The following IFT172 variants were observed in gnomAD, a reference collection of about 807,000 sequenced individuals.
IFT172 encodes the protein intraflagellar transport 172, also known as intraflagellar transport protein 172 homolog.
IFT172 carries 164 observed loss-of-function variants against 248.9 expected under a neutral mutation model. That is an observed-to-expected ratio of 0.66 (90% CI 0.58 to 0.75). IFT172 has a LOEUF of 0.75. IFT172 is among the 30% of genes least tolerant of loss of function. The probability of loss-of-function intolerance (pLI) is 0.00; values close to 1 mark genes in which losing one functional copy is unlikely to be tolerated. For missense variants in IFT172, 1,950 were observed against 2,192.4 expected (o/e 0.89, Z 2.21); for synonymous variants, 729 against 791.6 (o/e 0.92, Z 1.33).
chr2:27,469,809 G>A (rs1320695700), intron 16 of IFT172, among the ~76,000 whole-genome samples: 2 of 152,292 alleles, frequency 1.3e-5, no homozygotes, highest in East Asian at 3.9e-4. Context: ...TCCAGCCTGG[G>A]TGACAGAGAG....
Position 27,458,817 on chromosome 2 carries a change from T to A in IFT172, c.2839A>T (p.Met947Leu). The change falls in exon 26 of 48, where the codon ATG becomes TTG. Residue 947 changes from methionine (M) to leucine (L), a missense_variant. By Grantham distance (15) the Met-to-Leu change is conservative. Transcript: ENST00000260570. ...TCCCAACGACCAGCCTGGGTGTACA[T>A]GTCTATGGCATCTTTTGTCCGATCT... Reference protein sequence around the residue: ...KGDRTKDAIDMYTQAGRWEQA... With the variant: ...KGDRTKDAIDLYTQAGRWEQA... 6.2e-7 allele frequency: 1 copy of A among 1,614,172 alleles called. No individual in the cohort carries two copies. Among genetic ancestry groups the A allele is most frequent in the Non-Finnish European group, 8.5e-7 (1 of 1,180,012 alleles).
At chr2:27,471,179 T>A in intron 15 of IFT172, 84 bp from the exon 16 acceptor site, 1 of 1,359,418 alleles carries the variant, frequency 7.4e-7, no homozygotes, top group Non-Finnish European at 1.0e-6. Context: ...AATGGTGAGA[T>A]GTGGTGAGCT....
At chr2:27,449,185 A>G (rs532966251) in intron 39 of IFT172, 109 bp downstream of exon 39, 1 of 1,400,628 alleles carries the variant, frequency 7.1e-7, no homozygotes, top group East Asian at 2.3e-5. Flanking sequence ...GCCCATTAGA[A>G]ATCTTTGGGC....
chr2:27,462,985 G>A (rs941573145), intron 19 of IFT172, 112 bp downstream of exon 19: 14 of 1,271,484 alleles, frequency 1.1e-5, no homozygotes, highest in African/African-American at 1.5e-5. Context: ...AAGGTGGGGT[G>A]GGCAGGGTAA....
intron 11 of IFT172, 131 bp downstream of exon 11, chr2:27,477,864 C>T (rs1382624707): frequency 1.6e-5 from 19 of 1,200,466 alleles, no homozygotes; most frequent in Admixed American, 2.1e-5. Context: ...GTCTCCTTCC[C>T]TGAAACCAGG....
Position 27,445,713 on chromosome 2 carries a change from G to A in IFT172, c.4914+32C>T. 6.2e-7 allele frequency: 1 copy of A among 1,610,430 alleles called. No homozygotes were observed. Among genetic ancestry groups the A allele is most frequent in the Non-Finnish European group, 8.5e-7 (1 of 1,176,748 alleles). The stretch of plus-strand genomic sequence containing the variant: ...CTCCTCAAGGCACTCACACTGGTGA[G>A]GCCTTCCGGTTTTCCAACCCTGTGC... On this transcript the variant is annotated intron_variant, in intron 45 of 47. Coordinates refer to ENST00000260570, the MANE Select transcript of IFT172 (RefSeq NM_015662.3). The surrounding 1 kb of genome is among the most constrained non-coding windows in gnomAD (Gnocchi z 4.4).
At chr2:27,471,152 C>CT in intron 15 of IFT172, 57 bp from the exon 16 acceptor site, 1 of 1,556,220 alleles carries the variant, frequency 6.4e-7, no homozygotes, top group Non-Finnish European at 8.8e-7. Flanking sequence ...TTGTCTCCTG[C>CT]TTTTGACCAT....
intron 8 of IFT172, 86 bp from the exon 9 acceptor site, chr2:27,480,235 G>C: frequency 1.4e-6 from 2 of 1,476,300 alleles, no homozygotes; most frequent in South Asian, 1.4e-5. Context: ...AATTAGTCTT[G>C]CTATATCAGA....
chr2:27,486,595 T>C (rs138799478), intron 1 of IFT172, among the ~76,000 whole-genome samples: 234 of 152,364 alleles, frequency 1.5e-3, no homozygotes, highest in African/African-American at 5.2e-3. Context: ...AAGTAAAAAG[T>C]CTATTTTCCT....
chr2:27,485,445 A>G lies in IFT172; in HGVS notation c.98T>C (p.Val33Ala), dbSNP rs200884031. ...AWSQNNAKFA[V>A]CTVDRVVLLY... is the part of the protein sequence containing the mutation. ...CAAGACCACTCGGTCCACTGTGCAGACAGCAAATTTGGCATTGTTCTGGGA... is the reference window on the plus strand; with the variant it reads ...CAAGACCACTCGGTCCACTGTGCAGGCAGCAAATTTGGCATTGTTCTGGGA... The change falls in exon 2 of 48, where the codon GTC becomes GCC. Residue 33 changes from valine (V) to alanine (A), a missense_variant. Physicochemically the swap from Val to Ala is moderately conservative, Grantham distance 64 (BLOSUM62 0). Coordinates refer to ENST00000260570, the MANE Select transcript of IFT172 (RefSeq NM_015662.3). The G allele has an allele frequency of 8.9e-5, 144 of 1,614,024 alleles. No individual in the cohort carries two copies. Among genetic ancestry groups the G allele is most frequent in the Middle Eastern group, 1.6e-4 (1 of 6,076 alleles).
intron 36 of IFT172, 98 bp downstream of exon 36, chr2:27,449,900 C>A: frequency 7.2e-7 from 1 of 1,388,316 alleles, no homozygotes; most frequent in South Asian, 1.2e-5. Context: ...GCCATGCCCA[C>A]CAGGAGGCCC....
At chr2:27,461,624 A>G (rs752684977) in intron 21 of IFT172, 107 bp from the exon 22 acceptor site, 118 of 1,512,764 alleles carry the variant, frequency 7.8e-5, no homozygotes, top group Non-Finnish European at 1.0e-4. Context: ...CTGGGTCAGC[A>G]GTATCCTAAC....
At chr2:27,456,490 A>G (rs898519969) in intron 30 of IFT172, 21 bp downstream of exon 30, 6 of 1,605,134 alleles carry the variant, frequency 3.7e-6, no homozygotes, top group Non-Finnish European at 5.1e-6. Context: ...GGGCCCGTGG[A>G]GAGAAAGCTT....
intron 35 of IFT172, among the ~76,000 whole-genome samples, chr2:27,450,355 A>C (rs1463474121): frequency 6.6e-6 from 1 of 152,164 alleles, no homozygotes; most frequent in Non-Finnish European, 1.5e-5. Context: ...ACTGCATTTG[A>C]AACTTCCGCC....
At chr2:27,472,443 G>GC in intron 14 of IFT172, 81 bp from the exon 15 acceptor site, 3 of 1,115,064 alleles carry the variant, frequency 2.7e-6, no homozygotes, top group Non-Finnish European at 3.9e-6. Context: ...ATTTTGCTAG[G>GC]ATGCCTAGGA....
At chr2:27,467,965 C>T (rs1667235423) in intron 16 of IFT172, among the ~76,000 whole-genome samples, 1 of 151,862 alleles carries the variant, frequency 6.6e-6, no homozygotes, top group South Asian at 2.1e-4. Context: ...TTGAGACCAC[C>T]CTGGCCAACA....
chr2:27,449,922 C>A, intron 36 of IFT172, 76 bp downstream of exon 36: 1 of 1,442,096 alleles, frequency 6.9e-7, no homozygotes, highest in Non-Finnish European at 9.7e-7. Flanking sequence ...CCTCACACAC[C>A]TTCCTGGGTG....
In IFT172 at chr2:27,457,674, A is replaced by G. The variant is rs1409801629; in HGVS notation, c.3193T>C (p.Tyr1065His). 1 of 1,614,186 alleles carries G rather than the reference A, an allele frequency of 6.2e-7. No homozygotes were observed. Among genetic ancestry groups the G allele is most frequent in the South Asian group, 1.1e-5 (1 of 91,084 alleles). The change falls in exon 29 of 48, where the codon TAC becomes CAC. Residue 1065 changes from tyrosine (Y) to histidine (H), a missense_variant. Tyr to His is a moderately conservative substitution (Grantham distance 83, BLOSUM62 2). Around this residue, in one of 3 missense-constraint regions of IFT172, gnomAD observed 164 missense variants for 239.3 expected, o/e 0.69. Coordinates refer to ENST00000260570, the MANE Select transcript of IFT172 (RefSeq NM_015662.3). ...AQEWKATVNM[Y>H]RASGLWEEAY... ...TCTTCCCAAAGCCCACTGGCCCGGT[A>G]CATGTTCACTGTTGCCTTCCATTCC...
At chr2:27,489,138 G>T (rs1359353812) in intron 1 of IFT172, among the ~76,000 whole-genome samples, 2 of 152,184 alleles carry the variant, frequency 1.3e-5, no homozygotes, top group African/African-American at 4.8e-5. Flanking sequence ...TTAAATTCTG[G>T]TGTGCTAACT....
Sources: gnomAD v4.1 joint callset for allele counts (sites outside exome capture counted in the v4.1 genomes callset) on GRCh38, gnomAD v4.1.1 for gene constraint, gnomAD v4.1.1 regional missense constraint, Gnocchi (gnomAD v3.1) non-coding constraint, MANE v1.5 for transcripts, NCBI Gene and HGNC (gene_info 2026-07-23, HGNC 2026-07-21) for gene names.